TENM2: variants seen among roughly 807,000 people sequenced by gnomAD.
TENM2 encodes teneurin-2.
In TENM2, 52 loss-of-function variants were observed where a neutral mutation model predicts 245.2. The ratio of observed to expected loss-of-function variants is 0.21; its 90% confidence interval spans 0.17 to 0.27. The LOEUF is 0.27. TENM2 is among the 10% of genes least tolerant of loss of function. The pLI is 1.00. For missense variants in TENM2, 3,046 were observed against 3,666.8 expected (o/e 0.83, Z 4.37); for synonymous variants, 1,363 against 1,438.9 (o/e 0.95, Z 1.19).
At chr5:167,688,081 G>A (rs1757192926) in intron 2 of TENM2, among the ~76,000 whole-genome samples, 1 of 152,126 alleles carries the variant, frequency 6.6e-6, no homozygotes, top group Admixed American at 6.5e-5. Flanking sequence ...CTTGATTTAT[G>A]GAGAAACTGA....
Position 167,344,309 on chromosome 5 carries a change from CAT to C in TENM2, c.227-30869_227-30868del, listed in dbSNP as rs1298761207. 8.6e-3 allele frequency among the ~76,000 whole-genome samples: 726 copies of C among 84,480 alleles called. 5 individuals are homozygous for C. Among genetic ancestry groups the C allele is most frequent in the South Asian group, 0.054 (148 of 2,730 alleles). 55.4% of individuals were successfully genotyped at this position (84,480 alleles called of 152,430 possible). A position where few individuals can be genotyped will look rare whatever the true frequency, so the allele number is the denominator to read the frequency against. On this transcript the variant is annotated intron_variant, in intron 1 of 28. Transcript: ENST00000518659. ...ACACACACACACACACACACACACACATATATATATATATATATATAGATATA... is the reference window on the plus strand; with the variant it reads ...ACACACACACACACACACACACACACATATATATATATATATATAGATATA...
intron 2 of TENM2, among the ~76,000 whole-genome samples, chr5:167,835,080 T>A (rs1466996318): frequency 2.0e-5 from 3 of 152,094 alleles, no homozygotes; most frequent in East Asian, 1.9e-4. Flanking sequence ...TCTCTGAGCA[T>A]GTAGTACTCT....
At chr5:167,635,629 C>G (rs535731183) in intron 2 of TENM2, among the ~76,000 whole-genome samples, 4 of 104,156 alleles carry the variant, frequency 3.8e-5, no homozygotes, top group Non-Finnish European at 5.1e-5. Flanking sequence ...ATGATCAGTA[C>G]AGTCTTTTTT....
intron 6 of TENM2, among the ~76,000 whole-genome samples, chr5:168,060,910 C>T (rs1300347019): frequency 6.6e-6 from 1 of 152,140 alleles, no homozygotes; most frequent in Non-Finnish European, 1.5e-5. Flanking sequence ...CATCTGAAAC[C>T]TTTGCAATAT....
intron 6 of TENM2, 129 bp downstream of exon 8, chr5:168,047,678 C>T: frequency 9.0e-7 from 1 of 1,113,020 alleles, no homozygotes; most frequent in Non-Finnish European, 1.3e-6. Context: ...GGGGAAAAAT[C>T]ATTGCCTTTC....
Position 167,609,101 on chromosome 5 carries a change from G to T in TENM2, c.502+233628G>T, listed in dbSNP as rs189015312. Among the ~76,000 whole-genome samples, 146 of 152,092 alleles carry T rather than the reference G, an allele frequency of 9.6e-4. 1 individual carries two copies. The highest frequency in any genetic ancestry group is 1.9e-3 in the South Asian group (9 of 4,816). On this transcript the variant is annotated intron_variant, in intron 2 of 28. Transcript: ENST00000518659. ...TAGGTAAAGAATAGGTTTTTTTCTT[G>T]CTATCATCACTTCCTTTAGCATGTA...
intron 2 of TENM2, among the ~76,000 whole-genome samples, chr5:167,664,841 G>C (rs559064511): frequency 1.3e-5 from 2 of 152,136 alleles, no homozygotes; most frequent in Non-Finnish European, 2.9e-5. Context: ...ATCCCTAACT[G>C]GGAAAGATCT....
chr5:167,786,817 C>T (rs551610363), intron 2 of TENM2, among the ~76,000 whole-genome samples: 1 of 152,308 alleles, frequency 6.6e-6, no homozygotes, highest in Admixed American at 6.5e-5. Flanking sequence ...TTTGTTGGGC[C>T]ACATCTCAGA....
chr5:167,908,293 C>A (rs1232641434), intron 3 of TENM2, among the ~76,000 whole-genome samples: 1 of 150,456 alleles, frequency 6.6e-6, no homozygotes, highest in Non-Finnish European at 1.5e-5. Context: ...TCCCTTTCCC[C>A]TACCCTCCCT....
intron 2 of TENM2, among the ~76,000 whole-genome samples, chr5:167,519,649 T>A (rs1770623457): frequency 6.6e-6 from 1 of 152,170 alleles, no homozygotes; most frequent in South Asian, 2.1e-4. Context: ...TTTGTATACC[T>A]CTAACTAAAG....
chr5:166,994,466 A>C, the TENM2 span, among the ~76,000 whole-genome samples: 2 of 152,046 alleles, frequency 1.3e-5, no homozygotes, highest in African/African-American at 4.8e-5. Context: ...TCATAGATCT[A>C]CTCTGTAGGT....
chr5:166,984,483 A>G, the TENM2 span, among the ~76,000 whole-genome samples: 1 of 128,950 alleles, frequency 7.8e-6, no homozygotes, highest in Non-Finnish European at 1.6e-5. Flanking sequence ...GTCTATGTGG[A>G]AAAAAAATGC....
intron 2 of TENM2, among the ~76,000 whole-genome samples, chr5:167,558,206 G>C (rs1220237682): frequency 6.6e-6 from 1 of 152,174 alleles, no homozygotes; most frequent in Non-Finnish European, 1.5e-5. Flanking sequence ...CTGGATCCTG[G>C]GGAAGCCCAT....
chr5:167,445,365 A>G (rs73801223), intron 2 of TENM2, among the ~76,000 whole-genome samples: 1 of 130,096 alleles, frequency 7.7e-6, no homozygotes, highest in African/African-American at 3.1e-5. Flanking sequence ...AGAGAGAGAG[A>G]GAGAGTGTCA....
intron 1 of TENM2, chr5:167,296,242 G>A (rs1490189688): frequency 1.3e-5 from 2 of 152,182 alleles, no homozygotes; most frequent in Admixed American, 6.5e-5. Context: ...TTTATGAATA[G>A]TCGGCACTGG....
intron 4 of TENM2, among the ~76,000 whole-genome samples, chr5:167,992,339 C>T (rs1429632003): frequency 2.0e-5 from 3 of 151,990 alleles, no homozygotes; most frequent in Admixed American, 1.3e-4. Context: ...GAAATGAAAT[C>T]GAGATATTAA....
At chr5:167,342,353 A>C (rs943787083) in intron 1 of TENM2, among the ~76,000 whole-genome samples, 1 of 152,046 alleles carries the variant, frequency 6.6e-6, no homozygotes, top group Non-Finnish European at 1.5e-5. Flanking sequence ...AAAGTAGAGT[A>C]ATGTGTTTTG....
At chr5:167,047,781 G>A in the TENM2 span, among the ~76,000 whole-genome samples, 14 of 152,152 alleles carry the variant, frequency 9.2e-5, no homozygotes, top group South Asian at 2.1e-4. Flanking sequence ...GTGAAAACCA[G>A]TTGTGTGGTG....
intron 2 of TENM2, among the ~76,000 whole-genome samples, chr5:167,400,341 TAG>T (rs1157240009): frequency 6.6e-6 from 1 of 151,984 alleles, no homozygotes; most frequent in South Asian, 2.1e-4. Flanking sequence ...GACAGGTTCA[TAG>T]AGAGAGGGAG....
Sources: gnomAD v4.1 joint callset for allele counts (sites outside exome capture counted in the v4.1 genomes callset) on GRCh38, gnomAD v4.1.1 for gene constraint, MANE v1.5 for transcripts, NCBI Gene and HGNC (gene_info 2026-07-23, HGNC 2026-07-21) for gene names.